XPO4: variants seen among roughly 807,000 people sequenced by gnomAD.
XPO4 encodes the protein exportin-4.
In XPO4, 39 loss-of-function variants were observed where a neutral mutation model predicts 143.0. The observed-to-expected ratio is 0.27, with a 90% CI of 0.21 to 0.36. XPO4 has a LOEUF of 0.36. Ranked by LOEUF, XPO4 falls within the 10% of genes least tolerant of loss-of-function variation. The probability of loss-of-function intolerance (pLI) is 1.00; values close to 1 mark genes in which losing one functional copy is unlikely to be tolerated. For synonymous variants in XPO4, 439 were observed against 474.0 expected (o/e 0.93, Z 0.96); for missense variants, 907 against 1,348.0 (o/e 0.67, Z 5.12).
At position 20,787,072 on chromosome 13, in the gene XPO4, G is replaced by C; in HGVS notation, c.3166-15C>G. Reference sequence around the variant, plus strand: ...TCAAAAACCAGCTGAAATTACATAAGACTTCTAAATAAAAACATAGGATGA... The same window carrying C: ...TCAAAAACCAGCTGAAATTACATAACACTTCTAAATAAAAACATAGGATGA... On this transcript the variant is annotated splice_polypyrimidine_tract_variant and intron_variant, in intron 21 of 22. Transcript: ENST00000255305. 1 of 1,553,304 alleles carries C rather than the reference G, an allele frequency of 6.4e-7. No homozygotes were observed. Among genetic ancestry groups the C allele is most frequent in the Non-Finnish European group, 8.7e-7 (1 of 1,147,074 alleles).
intron 16 of XPO4, among the ~76,000 whole-genome samples, chr13:20,798,435 T>C (rs1005432199): frequency 3.9e-5 from 6 of 152,082 alleles, no homozygotes; most frequent in Non-Finnish European, 7.4e-5. Context: ...CCTCCAGAAG[T>C]AGGAGAAAAC....
intron 9 of XPO4, among the ~76,000 whole-genome samples, chr13:20,814,806 G>A (rs1318854214): frequency 2.0e-5 from 3 of 152,204 alleles, no homozygotes; most frequent in African/African-American, 7.2e-5. Flanking sequence ...AATGCAGGGT[G>A]GAGAAGGTAA....
chr13:20,800,691 A>G, intron 14 of XPO4, 140 bp downstream of exon 14: 1 of 1,074,764 alleles, frequency 9.3e-7, no homozygotes. Flanking sequence ...TTCCAGTCAC[A>G]TAATTCTCTT....
upstream of XPO4, chr13:20,902,770 A>G: frequency 2.1e-6 from 3 of 1,402,208 alleles, no homozygotes; most frequent in Non-Finnish European, 2.8e-6. Context: ...CATGCGCTGC[A>G]TTCTGGGAGC....
At chr13:20,870,088 T>TAAAAAA (rs1188258160) in intron 1 of XPO4, among the ~76,000 whole-genome samples, 1 of 32,302 alleles carries the variant, frequency 3.1e-5, no homozygotes, top group African/African-American at 1.4e-4. Context: ...TGAAGGAGTC[T>TAAAAAA]CAAAAAAAAA....
At chr13:20,810,053 T>C in intron 9 of XPO4, 86 bp from the exon 10 acceptor site, 1 of 1,155,680 alleles carries the variant, frequency 8.7e-7, no homozygotes, top group East Asian at 2.7e-5. Flanking sequence ...ACAAATAGTT[T>C]AAATTTTTCC....
intron 3 of XPO4, among the ~76,000 whole-genome samples, chr13:20,862,345 GA>G (rs2060209600): frequency 6.6e-6 from 1 of 151,990 alleles, no homozygotes; most frequent in African/African-American, 2.4e-5. Context: ...CCTTTTCAAA[GA>G]AACAAAACAT....
chr13:20,851,465 T>C (rs761753889), intron 4 of XPO4: 31 of 980,716 alleles, frequency 3.2e-5, no homozygotes, highest in Admixed American at 6.2e-5. Flanking sequence ...CCTATAATCT[T>C]TGGGAGGCCA....
chr13:20,881,064 G>A (rs150242388), intron 1 of XPO4, among the ~76,000 whole-genome samples: 22 of 152,026 alleles, frequency 1.4e-4, no homozygotes, highest in African/African-American at 4.8e-4. Flanking sequence ...GACAAATACT[G>A]TATGATCTCA....
Position 20,809,800 on chromosome 13 carries a change from T to C in XPO4, c.1341A>G (p.Thr447=), listed in dbSNP as rs1483914494. 1 of 1,606,144 alleles carries C rather than the reference T, an allele frequency of 6.2e-7. No homozygotes were observed. The highest frequency in any genetic ancestry group is 1.7e-5 in the Admixed American group (1 of 57,880). Residue 447 remains threonine, a synonymous_variant, in exon 10 of 23, where the codon ACA becomes ACG. Coordinates refer to ENST00000255305, the MANE Select transcript of XPO4 (RefSeq NM_022459.5). ...CTTGCTTAAAACTCACCAAATTTCTTGTGCCATCTGGAGCAGCTAGGTGGC... is the reference window on the plus strand; with the variant it reads ...CTTGCTTAAAACTCACCAAATTTCTCGTGCCATCTGGAGCAGCTAGGTGGC... ...IQCHLAAPDG[T]RNLTANGVAS... is the part of the protein sequence containing the mutation.
rs141225120 is a variant in XPO4, at chr13:20,844,815, G to A, written c.457-929C>T. On this transcript the variant is annotated intron_variant, in intron 4 of 22. Coordinates refer to ENST00000255305, the MANE Select transcript of XPO4 (RefSeq NM_022459.5). ...TGTTGAAGGTGAGAGGTGACTGATG[G>A]TTCCATGAGTGACTAATAGACTATC... 1.4e-3 allele frequency among the ~76,000 whole-genome samples: 206 copies of A among 152,322 alleles called. 1 individual carries two copies. In the East Asian group the frequency reaches 0.03, roughly 23 times the overall value.
At chr13:20,792,757 T>C (rs1218141748) in intron 18 of XPO4, among the ~76,000 whole-genome samples, 1 of 150,278 alleles carries the variant, frequency 6.7e-6, no homozygotes, top group African/African-American at 2.4e-5. Context: ...AGATGCCAGT[T>C]TCCAGTTATG....
chr13:20,881,571 A>G (rs1270109501), intron 1 of XPO4, among the ~76,000 whole-genome samples: 2 of 152,146 alleles, frequency 1.3e-5, no homozygotes, highest in African/African-American at 4.8e-5. Flanking sequence ...CATCCAGCCA[A>G]TAATTTTTTT....
chr13:20,874,416 C>T (rs759419322), intron 1 of XPO4, among the ~76,000 whole-genome samples: 4 of 152,136 alleles, frequency 2.6e-5, no homozygotes, highest in African/African-American at 9.7e-5. Context: ...TTCGCCAAAA[C>T]CCATGTTAAA....
In XPO4 at chr13:20,851,446, T is replaced by C. The variant is rs757470823; in HGVS notation, c.456+4181A>G. The C allele has an allele frequency of 3.0e-6, 3 of 985,086 alleles. No homozygotes were observed. In the African/African-American group the frequency reaches 5.2e-5, roughly 17 times the overall value. 61.0% of individuals were successfully genotyped at this position (985,086 alleles called of 1,614,324 possible). On this transcript the variant is annotated intron_variant, in intron 4 of 22. Coordinates refer to ENST00000255305, the MANE Select transcript of XPO4 (RefSeq NM_022459.5). ...AATTTGACTTTAGGCCAGGCATGGT[T>C]GGCTCACACCTATAATCTTTGGGAG...
rs375637531 is a variant in XPO4 at position 20,865,666 on chromosome 13, C to T, written c.176-2808G>A. On this transcript the variant is annotated intron_variant, in intron 2 of 22. Coordinates refer to ENST00000255305, the MANE Select transcript of XPO4 (RefSeq NM_022459.5). Reference sequence around the variant, plus strand: ...AGTTAATAATACAGGAAAAGCACTACATTCTGACCAAAAAGTTTTTTTAAA... The same window carrying T: ...AGTTAATAATACAGGAAAAGCACTATATTCTGACCAAAAAGTTTTTTTAAA... 6 of 874,648 alleles carry T rather than the reference C, an allele frequency of 6.9e-6. No homozygotes were observed. The East Asian group carries it at 3.6e-4, about 52-fold the overall frequency. The allele number at this position is 874,648 out of a possible 1,614,324, so 54.2% of individuals were successfully genotyped here.
At chr13:20,872,571 A>G (rs569361326) in intron 1 of XPO4, among the ~76,000 whole-genome samples, 5 of 152,362 alleles carry the variant, frequency 3.3e-5, no homozygotes, top group African/African-American at 9.6e-5. Context: ...ACAAGAAAGA[A>G]AGAAGAAAGA....
chr13:20,796,630 T>G, intron 17 of XPO4, 134 bp downstream of exon 17: 1 of 811,462 alleles, frequency 1.2e-6, no homozygotes, highest in Non-Finnish European at 1.7e-6. Flanking sequence ...TTCAAAAATC[T>G]TTTTTAAAAA....
At chr13:20,872,524 T>C (rs993330693) in intron 1 of XPO4, among the ~76,000 whole-genome samples, 2 of 152,154 alleles carry the variant, frequency 1.3e-5, no homozygotes, top group African/African-American at 4.8e-5. Context: ...TTATTGAGCA[T>C]TTAGGATACG....
Sources: allele counts gnomAD v4.1 joint callset (sites outside exome capture counted in the v4.1 genomes callset), GRCh38; gene constraint gnomAD v4.1.1; transcripts MANE v1.5; gene names NCBI Gene and HGNC (gene_info 2026-07-23, HGNC 2026-07-21).